ADAM23: variants seen among roughly 807,000 people sequenced by gnomAD.
ADAM23 encodes disintegrin and metalloproteinase domain-containing protein 23.
A neutral mutation model predicts 120.1 loss-of-function variants in ADAM23; 33 were observed. The observed-to-expected ratio is 0.27, with a 90% confidence interval of 0.21 to 0.37. The LOEUF (loss-of-function observed/expected upper bound fraction) is 0.37. ADAM23 is among the 10% of genes least tolerant of loss of function. The pLI is 1.00. For synonymous variants in ADAM23, 367 were observed against 375.2 expected (o/e 0.98, Z 0.25); for missense variants, 862 against 1,058.2 (o/e 0.81, Z 2.57).
intron 9 of ADAM23, among the ~76,000 whole-genome samples, chr2:206,555,169 A>G (rs756251442): frequency 6.6e-6 from 1 of 152,144 alleles, no homozygotes; most frequent in Non-Finnish European, 1.5e-5. Flanking sequence ...CTGTGCTCAT[A>G]TACAGAACTG....
intron 3 of ADAM23, among the ~76,000 whole-genome samples, chr2:206,514,574 G>T (rs150155695): frequency 6.6e-6 from 1 of 152,310 alleles, no homozygotes; most frequent in African/African-American, 2.4e-5. Context: ...TGAAATGACA[G>T]CAAAGGATTT....
At chr2:206,480,965 C>T (rs1388492547) in intron 2 of ADAM23, among the ~76,000 whole-genome samples, 1 of 152,150 alleles carries the variant, frequency 6.6e-6, no homozygotes, top group Non-Finnish European at 1.5e-5. Context: ...GTAAGTCCAG[C>T]AGAATATGCT....
intron 3 of ADAM23, among the ~76,000 whole-genome samples, chr2:206,510,952 CTTTGATTT>C (rs1696611167): frequency 3.9e-5 from 6 of 152,108 alleles, no homozygotes; most frequent in Non-Finnish European, 7.4e-5. Context: ...TCAAGTCTTT[CTTTGATTT>C]TAGGAAAGTT....
intron 2 of ADAM23, among the ~76,000 whole-genome samples, chr2:206,461,775 T>C (rs557389750): frequency 1.3e-5 from 2 of 152,274 alleles, no homozygotes; most frequent in African/African-American, 4.8e-5. Flanking sequence ...GTATGGGCCA[T>C]TGAATTAGGG....
At chr2:206,581,011 C>G (rs1698210298) in intron 18 of ADAM23, among the ~76,000 whole-genome samples, 1 of 152,088 alleles carries the variant, frequency 6.6e-6, no homozygotes, top group Non-Finnish European at 1.5e-5. Context: ...TAAAGGTGTT[C>G]ATAGTAGCTT....
intron 9 of ADAM23, 105 bp from the exon 10 acceptor site, chr2:206,557,322 A>T: frequency 1.1e-6 from 1 of 940,970 alleles, no homozygotes; most frequent in Non-Finnish European, 1.7e-6. Flanking sequence ...ATATATTTTT[A>T]AATCCATATT....
Position 206,559,174 on chromosome 2 carries a change from G to T in ADAM23, c.1006-781G>T, listed in dbSNP as rs945360780. 2.0e-5 allele frequency among the ~76,000 whole-genome samples: 3 copies of T among 152,182 alleles called. No homozygotes were observed. In the South Asian group the frequency reaches 6.2e-4, roughly 32 times the overall value. ...TTAGCCAGGATGGTCTTGATCTCCT[G>T]ACCCTGTGAAGCACCCGCCTCGGCC... On this transcript the variant is annotated intron_variant, in intron 10 of 25. Transcript: ENST00000264377.
Position 206,445,491 on chromosome 2 carries a change from C to T in ADAM23, c.399C>T (p.Asp133=), listed in dbSNP as rs1285965784. The T allele has an allele frequency of 1.9e-6, 3 of 1,613,930 alleles. No homozygotes were observed. The highest frequency in any genetic ancestry group is 1.7e-6 in the Non-Finnish European group (2 of 1,180,006). ...QDSESPYHVL[D]TKARHQQKHN... ...CGGAAAGCCCTTATCACGTTCTTGA[C>T]ACAAAGGCAAGACACCAGCAAAAAC... Residue 133 remains aspartate, a synonymous_variant, in exon 2 of 26, where the codon GAC becomes GAT. Transcript: ENST00000264377.
chr2:206,466,469 C>G (rs954096719), intron 2 of ADAM23, among the ~76,000 whole-genome samples: 1 of 152,146 alleles, frequency 6.6e-6, no homozygotes, highest in South Asian at 2.1e-4. Context: ...TCTCTGTTAT[C>G]TTAGGTTTCT....
intron 13 of ADAM23, among the ~76,000 whole-genome samples, chr2:206,563,156 G>T (rs745800537): frequency 1.9e-4 from 29 of 152,156 alleles, no homozygotes; most frequent in Admixed American, 5.2e-4. Flanking sequence ...TGGAAAGAGA[G>T]ACCAAAGTGT....
At chr2:206,456,343 G>A (rs958159888) in intron 2 of ADAM23, among the ~76,000 whole-genome samples, 1 of 151,978 alleles carries the variant, frequency 6.6e-6, no homozygotes, top group African/African-American at 2.4e-5. Flanking sequence ...ATCCACCCCC[G>A]AGATCCAATC....
chr2:206,594,680 T>C (rs1698487263), intron 22 of ADAM23, 57 bp from the exon 23 acceptor site: 4 of 1,589,422 alleles, frequency 2.5e-6, no homozygotes, highest in South Asian at 2.3e-5. Flanking sequence ...GCCTCATTCA[T>C]GGAATGATGT....
chr2:206,609,697 G>T, intron 24 of ADAM23: 1 of 496,486 alleles, frequency 2.0e-6, no homozygotes, highest in Non-Finnish European at 3.5e-6. Context: ...ATTGTCAATG[G>T]TGCAGAAACT....
chr2:206,478,104 A>G (rs968858844), intron 2 of ADAM23, among the ~76,000 whole-genome samples: 1 of 151,890 alleles, frequency 6.6e-6, no homozygotes, highest in Non-Finnish European at 1.5e-5. Context: ...CAGAAATAAA[A>G]TGATAGGGAA....
intron 3 of ADAM23, among the ~76,000 whole-genome samples, chr2:206,526,992 G>C (rs1158933113): frequency 6.6e-6 from 1 of 152,130 alleles, no homozygotes; most frequent in Admixed American, 6.5e-5. Flanking sequence ...TCACTGGCTT[G>C]AACTTCCATC....
rs1283725211 is a variant in ADAM23 at position 206,536,863 on chromosome 2, G to A, written c.574-5189G>A. Among the ~76,000 whole-genome samples the A allele has an allele frequency of 3.3e-5, 5 of 151,812 alleles. No individual in the cohort carries two copies. In the East Asian group the frequency reaches 5.8e-4, roughly 18 times the overall value. ...TGGGATTACAGGCACGTGCCACCACGCTTGGCTAATTTTCGTATTTTTAGT... is the reference window on the plus strand; with the variant it reads ...TGGGATTACAGGCACGTGCCACCACACTTGGCTAATTTTCGTATTTTTAGT... On this transcript the variant is annotated intron_variant, in intron 4 of 25. Transcript: ENST00000264377.
In ADAM23 at chr2:206,443,536, T is replaced by TCAGGCCCGGCGG. The variant is rs1415157487; in HGVS notation, c.-327_-316dup. 1 of 110,974 alleles carries TCAGGCCCGGCGG rather than the reference T, an allele frequency of 9.0e-6. No homozygotes were observed. Among genetic ancestry groups the TCAGGCCCGGCGG allele is most frequent in the Non-Finnish European group, 2.2e-5 (1 of 45,976 alleles). The allele number at this position is 110,974 out of a possible 1,614,324, so 6.9% of individuals were successfully genotyped here. A position where few individuals can be genotyped will look rare whatever the true frequency, so the allele number is the denominator to read the frequency against. On this transcript the variant is annotated 5_prime_UTR_variant, in exon 1 of 26. Transcript: ENST00000264377. ...GCTCCCGCGCGCCGCCTCAGCATCC[T>TCAGGCCCGGCGG]CAGGCCCGGCGGCAGCCCCCGCAGT...
intron 2 of ADAM23, among the ~76,000 whole-genome samples, chr2:206,456,095 G>A (rs989667933): frequency 1.3e-5 from 2 of 152,090 alleles, no homozygotes; most frequent in African/African-American, 4.8e-5. Flanking sequence ...AGAACTACCT[G>A]AGACTAGGTA....
chr2:206,487,879 GTAAGACATCCACAT>G (rs547930301), intron 3 of ADAM23, among the ~76,000 whole-genome samples: 3 of 152,222 alleles, frequency 2.0e-5, no homozygotes, highest in Non-Finnish European at 4.4e-5. Flanking sequence ...TGAAATCAGT[GTAAGACATCCACAT>G]TGGGTGGCTG....
Sources: allele counts gnomAD v4.1 joint callset (sites outside exome capture counted in the v4.1 genomes callset), GRCh38; gene constraint gnomAD v4.1.1; transcripts MANE v1.5; gene names NCBI Gene and HGNC (gene_info 2026-07-23, HGNC 2026-07-21).